The following MYOM2 variants were observed in gnomAD, a reference collection of about 807,000 sequenced individuals.
The protein encoded by MYOM2 is myomesin 2, also known as myomesin-2.
MYOM2 carries 254 observed loss-of-function variants against 187.6 expected under a neutral mutation model. The ratio of observed to expected loss-of-function variants is 1.35; its 90% CI spans 1.22 to 1.50. The LOEUF (loss-of-function observed/expected upper bound fraction) is 1.50. Among genes scored for constraint, MYOM2 ranks in the 40% most tolerant of loss-of-function variants. The pLI, the probability that MYOM2 is intolerant of heterozygous loss-of-function variation, is 0.00. For synonymous variants in MYOM2, 981 were observed against 753.8 expected (o/e 1.30, Z -4.94); for missense variants, 2,796 against 1,924.0 (o/e 1.45, Z -8.48).
At chr8:2,070,388 C>G (rs1413091435) in intron 8 of MYOM2, among the ~76,000 whole-genome samples, 3 of 152,282 alleles carry the variant, frequency 2.0e-5, no homozygotes, top group African/African-American at 7.2e-5. Flanking sequence ...GGCCTCTGCT[C>G]GCGATTTCTG....
chr8:2,068,214 A>G (rs1468314650), intron 6 of MYOM2, among the ~76,000 whole-genome samples: 1 of 151,284 alleles, frequency 6.6e-6, no homozygotes, highest in Non-Finnish European at 1.5e-5. Context: ...CAGCTCTTCA[A>G]TGCCTGTGTG....
At chr8:2,049,808 G>C (rs1307607091) in intron 1 of MYOM2, among the ~76,000 whole-genome samples, 1 of 152,172 alleles carries the variant, frequency 6.6e-6, no homozygotes, top group Non-Finnish European at 1.5e-5. Flanking sequence ...TGTTTTGGGT[G>C]AACATGTACA....
intron 20 of MYOM2, 106 bp from the exon 21 acceptor site, chr8:2,102,561 A>G: frequency 1.6e-6 from 1 of 617,906 alleles, no homozygotes; most frequent in Non-Finnish European, 2.8e-6. Flanking sequence ...CTAACTGGAA[A>G]AATAAGCTAT....
intron 32 of MYOM2, among the ~76,000 whole-genome samples, chr8:2,132,170 A>G (rs1195365798): frequency 6.6e-6 from 1 of 152,224 alleles, no homozygotes; most frequent in African/African-American, 2.4e-5. Flanking sequence ...AGGCTAAATA[A>G]TCCACTTCAC....
chr8:2,073,609 C>T (rs1695799702), intron 10 of MYOM2, 109 bp downstream of exon 10: 4 of 1,316,858 alleles, frequency 3.0e-6, no homozygotes, highest in Non-Finnish European at 3.0e-6. Flanking sequence ...GGTGTGAGAC[C>T]ACTTTGCTCC....
At chr8:2,082,676 A>T in intron 13 of MYOM2, among the ~76,000 whole-genome samples, 1 of 152,234 alleles carries the variant, frequency 6.6e-6, no homozygotes, top group East Asian at 1.9e-4. Flanking sequence ...AGGCCAGAAT[A>T]GACCCTCACA....
Position 2,143,363 on chromosome 8 carries a change from G to T in MYOM2, c.4025-38G>T, listed in dbSNP as rs200744807. 5.0e-6 allele frequency: 8 copies of T among 1,613,654 alleles called. No individual in the cohort carries two copies. The East Asian group carries it at 1.8e-4, about 36-fold the overall frequency. On this transcript the variant is annotated intron_variant, in intron 35 of 36. Coordinates refer to ENST00000262113, the MANE Select transcript of MYOM2 (RefSeq NM_003970.4). ...GGCTCCTGCTCCGTGGGAACGTCCCGCAGATGTTTTCCTAACCAAGGTGCT... is the reference window on the plus strand; with the variant it reads ...GGCTCCTGCTCCGTGGGAACGTCCCTCAGATGTTTTCCTAACCAAGGTGCT...
intron 25 of MYOM2, among the ~76,000 whole-genome samples, chr8:2,111,235 G>C (rs1168626027): frequency 6.6e-6 from 1 of 152,186 alleles, no homozygotes; most frequent in African/African-American, 2.4e-5. Context: ...GCAATGCACA[G>C]GTGACTTTTA....
chr8:2,140,375 A>G (rs960517207), intron 32 of MYOM2, among the ~76,000 whole-genome samples: 1 of 90,652 alleles, frequency 1.1e-5, no homozygotes, highest in African/African-American at 5.1e-5. Context: ...CCCCGTGTCC[A>G]ATTCTTCGGA....
At chr8:2,056,244 G>A (rs1458163427) in intron 3 of MYOM2, among the ~76,000 whole-genome samples, 3 of 152,182 alleles carry the variant, frequency 2.0e-5, no homozygotes, top group African/African-American at 7.2e-5. Flanking sequence ...CATCTGAGAT[G>A]GGTGTTGGAG....
At chr8:2,049,209 G>C (rs1188871781) in intron 1 of MYOM2, among the ~76,000 whole-genome samples, 1 of 152,182 alleles carries the variant, frequency 6.6e-6, no homozygotes, top group Non-Finnish European at 1.5e-5. Flanking sequence ...TCGACTAGTT[G>C]GGTTTTAAGA....
In MYOM2 at chr8:2,100,561, A is replaced by G. The variant is rs2116775656; in HGVS notation, c.2441-315A>G. ...GTCCAGCCCCGTGGAGGGTAACTTG[A>G]GAACCTGTCCTTTCCCGCACACCGT... On this transcript the variant is annotated intron_variant, in intron 19 of 36. Coordinates refer to ENST00000262113, the MANE Select transcript of MYOM2 (RefSeq NM_003970.4). 4 of 325,282 alleles carry G rather than the reference A, an allele frequency of 1.2e-5. No homozygotes were observed. The East Asian group carries it at 2.3e-4, about 19-fold the overall frequency. The allele number at this position is 325,282 out of a possible 1,614,324, so 20.1% of individuals were successfully genotyped here.
chr8:2,096,191 G>T, intron 17 of MYOM2, 56 bp from the exon 18 acceptor site: 1 of 1,559,368 alleles, frequency 6.4e-7, no homozygotes, highest in Admixed American at 1.8e-5. Context: ...GGCTGCCCCG[G>T]GGACAAAGCC....
At position 2,076,171 on chromosome 8, in the gene MYOM2, G is replaced by A. The variant is rs1373635108; in HGVS notation, c.1151G>A (p.Gly384Asp). 14 of 1,612,834 alleles carry A rather than the reference G, an allele frequency of 8.7e-6. No homozygotes were observed. Among genetic ancestry groups the A allele is most frequent in the Non-Finnish European group, 9.3e-6 (11 of 1,179,836 alleles). Reference sequence around the variant, plus strand: ...GACCCGCTGGTCACAGGGGCCCCCGGTGCACCCATGGACTTGCAGTGCCAC... The same window carrying A: ...GACCCGCTGGTCACAGGGGCCCCCGATGCACCCATGGACTTGCAGTGCCAC... ...DADPLVTGAP[G>D]APMDLQCHDA... Residue 384 changes from glycine (G) to aspartate (D), a missense_variant, in exon 11 of 37, where the codon GGT (glycine) becomes GAT (aspartate). By Grantham distance (94) the Gly-to-Asp change is moderately conservative. Coordinates refer to ENST00000262113, the MANE Select transcript of MYOM2 (RefSeq NM_003970.4).
chr8:2,098,540 C>T (rs530093475), intron 18 of MYOM2, among the ~76,000 whole-genome samples: 11 of 152,170 alleles, frequency 7.2e-5, no homozygotes, highest in Admixed American at 5.9e-4. Context: ...GGGCAACCGT[C>T]GCCTCTCTGG....
At chr8:2,132,032 G>C (rs1290754056) in intron 32 of MYOM2, among the ~76,000 whole-genome samples, 1 of 152,132 alleles carries the variant, frequency 6.6e-6, no homozygotes, top group Non-Finnish European at 1.5e-5. Flanking sequence ...ACTATATTAG[G>C]TAGTCATCAT....
At chr8:2,108,198 T>A (rs1285732334) in intron 23 of MYOM2, among the ~76,000 whole-genome samples, 1 of 152,128 alleles carries the variant, frequency 6.6e-6, no homozygotes, top group Non-Finnish European at 1.5e-5. Flanking sequence ...GAGCCCAGAT[T>A]TTCTTACCTT....
intron 34 of MYOM2, among the ~76,000 whole-genome samples, chr8:2,142,078 G>A (rs1341042851): frequency 2.7e-5 from 4 of 148,580 alleles, no homozygotes; most frequent in African/African-American, 5.0e-5. Flanking sequence ...GTGAATTTGT[G>A]AAAAAAAAAA....
intron 36 of MYOM2, among the ~76,000 whole-genome samples, chr8:2,144,454 G>C (rs1563088225): frequency 6.6e-6 from 1 of 152,180 alleles, no homozygotes; most frequent in South Asian, 2.1e-4. Flanking sequence ...TTTTTTACGA[G>C]CTCGCCTGTG....
Sources: gnomAD v4.1 joint callset for allele counts (sites outside exome capture counted in the v4.1 genomes callset) on GRCh38, gnomAD v4.1.1 for gene constraint, MANE v1.5 for transcripts, NCBI Gene and HGNC (gene_info 2026-07-23, HGNC 2026-07-21) for gene names.